Variants in NR3C2 observed in about 807,000 individuals in gnomAD.
The protein encoded by NR3C2 is mineralocorticoid receptor.
A neutral mutation model predicts 86.4 loss-of-function variants in NR3C2; 15 were observed. The observed-to-expected ratio is 0.17, with a 90% confidence interval of 0.12 to 0.27. NR3C2 has a LOEUF of 0.27. Ranked by LOEUF, NR3C2 falls within the 10% of genes least tolerant of loss-of-function variation. NR3C2 has a pLI of 1.00. For synonymous variants in NR3C2, 458 were observed against 450.5 expected, an observed-to-expected ratio of 1.02 and a Z score of -0.21; for missense variants, 960 against 1,195.6, an observed-to-expected ratio of 0.80 and a Z score of 2.91.
At chr4:148,215,942 G>T (rs1374788939) in intron 3 of NR3C2, among the ~76,000 whole-genome samples, 1 of 151,954 alleles carries the variant, frequency 6.6e-6, no homozygotes, top group East Asian at 1.9e-4. Flanking sequence ...ACCACGCCTA[G>T]CTATTTTTTT....
At chr4:148,371,205 T>C (rs1297703512) in intron 2 of NR3C2, among the ~76,000 whole-genome samples, 1 of 152,212 alleles carries the variant, frequency 6.6e-6, no homozygotes, top group African/African-American at 2.4e-5. Context: ...TTATACTCTT[T>C]GAGTTATTTT....
At chr4:148,270,958 C>A (rs1331660810) in intron 2 of NR3C2, among the ~76,000 whole-genome samples, 1 of 152,118 alleles carries the variant, frequency 6.6e-6, no homozygotes, top group African/African-American at 2.4e-5. Flanking sequence ...CATTTCTGAC[C>A]TCTGGCTTTA....
chr4:148,182,901 T>C (rs1158929306), intron 4 of NR3C2, among the ~76,000 whole-genome samples: 1 of 152,228 alleles, frequency 6.6e-6, no homozygotes, highest in Non-Finnish European at 1.5e-5. Flanking sequence ...ATATGTGTCA[T>C]GTTGGTTTGC....
intron 3 of NR3C2, among the ~76,000 whole-genome samples, chr4:148,219,379 C>T (rs1020716544): frequency 3.9e-5 from 6 of 152,164 alleles, no homozygotes; most frequent in Non-Finnish European, 7.4e-5. Flanking sequence ...TAATTAATGT[C>T]TTTAACTTTG....
At chr4:148,343,876 A>C (rs2149984250) in intron 2 of NR3C2, among the ~76,000 whole-genome samples, 2 of 152,256 alleles carry the variant, frequency 1.3e-5, no homozygotes, top group South Asian at 4.1e-4. Flanking sequence ...GCTTCATAGA[A>C]AGACAGGTTG....
At chr4:148,299,393 C>T (rs1355881859) in intron 2 of NR3C2, among the ~76,000 whole-genome samples, 6 of 152,132 alleles carry the variant, frequency 3.9e-5, no homozygotes, top group South Asian at 4.2e-4. Context: ...TTAGAAATGT[C>T]GGCCTTGGTC....
intron 2 of NR3C2, among the ~76,000 whole-genome samples, chr4:148,294,970 G>T (rs79689763): frequency 6.6e-6 from 1 of 152,100 alleles, no homozygotes; most frequent in African/African-American, 2.4e-5. Flanking sequence ...CTGGGAGACA[G>T]AGTGAGGCCC....
chr4:148,429,435 C>T (rs1579288442), intron 2 of NR3C2, among the ~76,000 whole-genome samples: 1 of 151,998 alleles, frequency 6.6e-6, no homozygotes, highest in South Asian at 2.1e-4. Flanking sequence ...ATTCAAATTA[C>T]TTTTTTTTGT....
chr4:148,111,314 G>A (rs557690743), intron 8 of NR3C2, among the ~76,000 whole-genome samples: 16 of 152,246 alleles, frequency 1.1e-4, no homozygotes, highest in African/African-American at 3.8e-4. Flanking sequence ...AAAGTAAACC[G>A]ACTAACCACG....
chr4:148,313,869 G>A (rs1444274689), intron 2 of NR3C2, among the ~76,000 whole-genome samples: 2 of 152,108 alleles, frequency 1.3e-5, no homozygotes, highest in African/African-American at 4.8e-5. Flanking sequence ...AAATCCCACA[G>A]CAAGCTTTTC....
chr4:148,154,897 T>C lies in NR3C2; in HGVS notation c.2019A>G (p.Arg673=). 2 of 1,555,772 alleles carry C rather than the reference T, an allele frequency of 1.3e-6. No individual in the cohort carries two copies. Among genetic ancestry groups the C allele is most frequent in the South Asian group, 1.2e-5 (1 of 84,596 alleles). The change falls in exon 5 of 9, where the codon CGA becomes CGG. Residue 673 remains arginine (R), a synonymous_variant. Coordinates refer to ENST00000358102, the MANE Select transcript of NR3C2 (RefSeq NM_000901.5). ...TTAACTTTCCCAACTTCTTTGACTT[T>C]CGTGCTATAAGAAACCATAAATGAT... ...CLQAGMNLGA[R]KSKKLGKLKG... is the part of the protein sequence containing the mutation.
intron 4 of NR3C2, among the ~76,000 whole-genome samples, chr4:148,180,031 T>C (rs1735570576): frequency 6.6e-6 from 1 of 151,834 alleles, no homozygotes; most frequent in Non-Finnish European, 1.5e-5. Context: ...TAAAACTCAA[T>C]ACACTTGGGC....
intron 2 of NR3C2, among the ~76,000 whole-genome samples, chr4:148,412,745 A>G (rs1748768101): frequency 6.6e-6 from 1 of 152,122 alleles, no homozygotes; most frequent in South Asian, 2.1e-4. Flanking sequence ...TTAATCTGTG[A>G]CTGAAATCTC....
chr4:148,336,290 A>C (rs1398336311), intron 2 of NR3C2, among the ~76,000 whole-genome samples: 1 of 152,154 alleles, frequency 6.6e-6, no homozygotes, highest in Non-Finnish European at 1.5e-5. Flanking sequence ...TCTAGGAAAA[A>C]GGGCTACATG....
chr4:148,404,517 A>C lies in NR3C2; in HGVS notation c.1757+30587T>G, dbSNP rs183439464. Among the ~76,000 whole-genome samples, 528 of 152,244 alleles carry C rather than the reference A, an allele frequency of 3.5e-3. 2 individuals are homozygous for C. The highest frequency in any genetic ancestry group is 9.7e-3 in the Admixed American group (148 of 15,290). ...ACACGTTATCTGTGCACAAAAATGCAAACAAAATATTTTAGGTCTCCTCAT... is the reference window on the plus strand; with the variant it reads ...ACACGTTATCTGTGCACAAAAATGCCAACAAAATATTTTAGGTCTCCTCAT... On this transcript the variant is annotated intron_variant, in intron 2 of 8. Coordinates refer to ENST00000358102, the MANE Select transcript of NR3C2 (RefSeq NM_000901.5).
intron 2 of NR3C2, among the ~76,000 whole-genome samples, chr4:148,343,838 T>C (rs1242972898): frequency 6.6e-6 from 1 of 152,118 alleles, no homozygotes; most frequent in African/African-American, 2.4e-5. Flanking sequence ...GGTCTGGACA[T>C]TCAGAATCTT....
intron 2 of NR3C2, among the ~76,000 whole-genome samples, chr4:148,302,539 T>C (rs1742392446): frequency 6.6e-6 from 1 of 152,208 alleles, no homozygotes; most frequent in Admixed American, 6.5e-5. Flanking sequence ...CCATTTTCTT[T>C]TGCAATAGGA....
chr4:148,201,518 C>T (rs554045445), intron 3 of NR3C2, among the ~76,000 whole-genome samples: 2 of 152,250 alleles, frequency 1.3e-5, no homozygotes, highest in Admixed American at 1.3e-4. Flanking sequence ...GAAGATTGGT[C>T]CTTTGCCTGC....
chr4:148,175,570 T>C (rs1463023521), intron 4 of NR3C2, among the ~76,000 whole-genome samples: 2 of 152,242 alleles, frequency 1.3e-5, no homozygotes, highest in Admixed American at 6.5e-5. Flanking sequence ...AAAGTGTTTT[T>C]AATGCCATGA....
Sources: gnomAD v4.1 joint callset for allele counts (sites outside exome capture counted in the v4.1 genomes callset) on GRCh38, gnomAD v4.1.1 for gene constraint, MANE v1.5 for transcripts, NCBI Gene and HGNC (gene_info 2026-07-23, HGNC 2026-07-21) for gene names.